MYH3: variants seen among roughly 807,000 people sequenced by gnomAD.
The protein encoded by MYH3 is myosin-3.
A neutral mutation model predicts 238.0 loss-of-function variants in MYH3; 130 were observed. The ratio of observed to expected loss-of-function variants is 0.55; its 90% CI spans 0.47 to 0.63. The LOEUF is 0.63. Among genes scored for constraint, MYH3 ranks in the 30% least tolerant of loss-of-function variants. MYH3 has a pLI of 0.00. For missense variants in MYH3, 1,853 were observed against 2,374.9 expected, an observed-to-expected ratio of 0.78 and a Z score of 4.57; for synonymous variants, 880 against 924.1, an observed-to-expected ratio of 0.95 and a Z score of 0.86.
upstream of MYH3, among the ~76,000 whole-genome samples, chr17:10,658,114 G>C (rs2142438244): frequency 6.6e-6 from 1 of 152,278 alleles, no homozygotes; most frequent in Non-Finnish European, 1.5e-5. Context: ...TGGGGTAGGG[G>C]GAACGGTGGT....
At chr17:10,657,635 TG>T (rs1475434671), upstream of MYH3, among the ~76,000 whole-genome samples, 1 of 151,946 alleles carries the variant, frequency 6.6e-6, no homozygotes, top group East Asian at 1.9e-4. Context: ...CATCACACCC[TG>T]AACGCGGCGT....
rs1324806950 is a variant in MYH3, at chr17:10,635,818, T to C, written c.3892A>G (p.Ile1298Val). 1 of 1,614,116 alleles carries C rather than the reference T, an allele frequency of 6.2e-7. No homozygotes were observed. The highest frequency in any genetic ancestry group is 1.7e-5 in the Admixed American group (1 of 60,004). ...LSRQLEEKES[I>V]VSQLSRSKQA... Reference sequence around the variant, plus strand: ...TTGCTCCTGGAAAGTTGGGATACTATGCTTTCTTTTTCTTCCAGCTGACGA... The same window carrying C: ...TTGCTCCTGGAAAGTTGGGATACTACGCTTTCTTTTTCTTCCAGCTGACGA... The change falls in exon 29 of 41, where the codon ATA (isoleucine) becomes GTA (valine). Residue 1298 changes from isoleucine (I) to valine (V), a missense_variant. Physicochemically the swap from Ile to Val is conservative, Grantham distance 29 (BLOSUM62 3). Coordinates refer to ENST00000583535, the MANE Select transcript of MYH3 (RefSeq NM_002470.4).
intron 28 of MYH3, among the ~76,000 whole-genome samples, chr17:10,637,128 C>T (rs921726349): frequency 5.3e-5 from 8 of 150,752 alleles, no homozygotes; most frequent in Non-Finnish European, 8.8e-5. Flanking sequence ...GGCATAATCT[C>T]GGCTCACTGC....
In MYH3 at chr17:10,638,386, G is replaced by C. The variant is rs747453979; in HGVS notation, c.3386C>G (p.Thr1129Ser). 6.2e-7 allele frequency: 1 copy of C among 1,602,840 alleles called. No individual in the cohort carries two copies. Among genetic ancestry groups the C allele is most frequent in the Middle Eastern group, 1.7e-4 (1 of 6,060 alleles). ...LEEEIEAERA[T>S]RAKTEKQRSD... The stretch of plus-strand genomic sequence containing the variant: ...GCGCTGTTTCTCTGTCTTCGCGCGG[G>C]TGGCCCTCTCCGCCTCTATCTCCTC... Residue 1129 changes from threonine (T) to serine (S), a missense_variant, in exon 27 of 41, where the codon ACC (threonine) becomes AGC (serine). Thr to Ser is a moderately conservative substitution (Grantham distance 58). This residue lies in a region of MYH3 where 1,044 missense variants were observed against 1,192.6 expected (regional missense o/e 0.88). Coordinates refer to ENST00000583535, the MANE Select transcript of MYH3 (RefSeq NM_002470.4).
chr17:10,645,435 C>G (rs2074311300), intron 12 of MYH3, among the ~76,000 whole-genome samples: 1 of 151,992 alleles, frequency 6.6e-6, no homozygotes, highest in Admixed American at 6.5e-5. Context: ...CTGTCTGACT[C>G]TCGTGCCTCA....
At position 10,638,200 on chromosome 17, in the gene MYH3, G is replaced by A; in HGVS notation, c.3572C>T (p.Ala1191Val). 6.2e-7 allele frequency: 1 copy of A among 1,613,756 alleles called. No individual in the cohort carries two copies. The highest frequency in any genetic ancestry group is 8.5e-7 in the Non-Finnish European group (1 of 1,179,938). ...EATLQHEAMV[A>V]ALRKKHADSV... ...ATCCGCATGCTTCTTCCTCAGCGCG[G>A]CCACCATGGCTTCGTGCTGCAGTGT... Residue 1191 changes from alanine to valine, a missense_variant, in exon 27 of 41, where the codon GCC becomes GTC. Ala to Val is a moderately conservative substitution (Grantham distance 64). Around this residue, in one of 3 missense-constraint regions of MYH3, gnomAD observed 1,044 missense variants for 1,192.6 expected, o/e 0.88. Coordinates refer to ENST00000583535, the MANE Select transcript of MYH3 (RefSeq NM_002470.4).
intron 4 of MYH3, 148 bp downstream of exon 4, chr17:10,652,272 T>C: frequency 1.9e-6 from 2 of 1,053,300 alleles, no homozygotes; most frequent in Non-Finnish European, 2.9e-6. Flanking sequence ...CTTTCTTGCC[T>C]TCTTTCTCCT....
In MYH3 at chr17:10,638,034, G is replaced by A. The variant is rs201955505; in HGVS notation, c.3729+9C>T. The A allele has an allele frequency of 5.3e-4, 820 of 1,554,932 alleles. No individual in the cohort carries two copies. The highest frequency in any genetic ancestry group is 6.3e-4 in the Non-Finnish European group (709 of 1,126,996). On this transcript the variant is annotated intron_variant, in intron 27 of 40. Coordinates refer to ENST00000583535, the MANE Select transcript of MYH3 (RefSeq NM_002470.4). Reference sequence around the variant, plus strand: ...GAAAGCCTTGAGCCACCCCCACCCCGCGCAGCACCTTAGATTTCGACACAC... The same window carrying A: ...GAAAGCCTTGAGCCACCCCCACCCCACGCAGCACCTTAGATTTCGACACAC...
rs927954243 is a variant in MYH3 at position 10,632,015 on chromosome 17, T to G, written c.4958A>C (p.Asp1653Ala). 6.2e-7 allele frequency: 1 copy of G among 1,613,276 alleles called. No homozygotes were observed. The highest frequency in any genetic ancestry group is 8.5e-7 in the Non-Finnish European group (1 of 1,180,028). ...HLRSVQGQLK[D>A]TQLHLDDALR... is the part of the protein sequence containing the mutation. ...GGCATCATCCAGGTGGAGCTGCGTA[T>G]CCTAGCCAGAGAAAAACGAACATTC... Residue 1653 changes from aspartate to alanine, a missense_variant and splice_region_variant, in exon 35 of 41, where the codon GAT (aspartate) becomes GCT (alanine). Coordinates refer to ENST00000583535, the MANE Select transcript of MYH3 (RefSeq NM_002470.4).
intron 32 of MYH3, 57 bp from the exon 33 acceptor site, chr17:10,633,772 T>C (rs2074187433): frequency 2.5e-6 from 4 of 1,605,294 alleles, no homozygotes; most frequent in Non-Finnish European, 3.4e-6. Flanking sequence ...TTTCCAGACA[T>C]GCAAAGCATT....
rs780649980 is a variant in MYH3, at chr17:10,638,331, C to G, written c.3441G>C (p.Leu1147=). The G allele has an allele frequency of 3.1e-6, 5 of 1,611,338 alleles. No individual in the cohort carries two copies. The highest frequency in any genetic ancestry group is 4.2e-6 in the Non-Finnish European group (5 of 1,180,006). Residue 1147 remains leucine, a synonymous_variant, in exon 27 of 41, where the codon CTG becomes CTC. Coordinates refer to ENST00000583535, the MANE Select transcript of MYH3 (RefSeq NM_002470.4). ...RSDYARELEE[L]SERLEEAGGV... is the part of the protein sequence containing the mutation. ...CTCCCGCCTCCTCCAGCCGCTCGCTCAGCTCCTCCAGCTCCCGGGCATAGT... is the reference window on the plus strand; with the variant it reads ...CTCCCGCCTCCTCCAGCCGCTCGCTGAGCTCCTCCAGCTCCCGGGCATAGT...
chr17:10,676,463 G>C, the MYH3 span: 1 of 152,162 alleles, frequency 6.6e-6, no homozygotes. Context: ...TGGGGTGGCA[G>C]TGGGTGGGGG....
In MYH3 at chr17:10,642,267, G is replaced by C; in HGVS notation, c.1932C>G (p.Ser644=). The C allele has an allele frequency of 1.2e-6, 2 of 1,614,032 alleles. No homozygotes were observed. Among genetic ancestry groups the C allele is most frequent in the African/African-American group, 1.3e-5 (1 of 75,024 alleles). The change falls in exon 17 of 41, where the codon TCC becomes TCG. Residue 644 remains serine (S), a synonymous_variant. Transcript: ENST00000583535. This position sits in a 1 kb window ranked among gnomAD's most constrained non-coding sequence, Gnocchi z 5.4. ...KKKVAKKKGS[S]FQTVSALFRE... is the part of the protein sequence containing the mutation. ...TGAAAAGGGCAGAGACAGTTTGGAAGGAAGAACCCTTCTTCTTGGCAACTT... is the reference window on the plus strand; with the variant it reads ...TGAAAAGGGCAGAGACAGTTTGGAACGAAGAACCCTTCTTCTTGGCAACTT...
the MYH3 span, among the ~76,000 whole-genome samples, chr17:10,668,835 A>C: frequency 6.6e-6 from 1 of 152,170 alleles, no homozygotes; most frequent in African/African-American, 2.4e-5. Flanking sequence ...CAGCTTACAC[A>C]CTTGCTTGTC....
the MYH3 span, among the ~76,000 whole-genome samples, chr17:10,663,764 A>G: frequency 6.6e-6 from 1 of 152,012 alleles, no homozygotes; most frequent in Non-Finnish European, 1.5e-5. Flanking sequence ...ACTAACACTT[A>G]AAAAAAGGTC....
At position 10,638,365 on chromosome 17, in the gene MYH3, T is replaced by C. The variant is rs370363739; in HGVS notation, c.3407A>G (p.Gln1136Arg). Residue 1136 changes from glutamine to arginine, a missense_variant, in exon 27 of 41, where the codon CAG (glutamine) becomes CGG (arginine). Around this residue, in one of 3 missense-constraint regions of MYH3, gnomAD observed 1,044 missense variants for 1,192.6 expected, o/e 0.88. Transcript: ENST00000583535. ...CAGCTCCCGGGCATAGTCGCTGCGC[T>C]GTTTCTCTGTCTTCGCGCGGGTGGC... is the stretch of plus-strand genomic sequence containing the variant. The part of the protein sequence containing the change: ...ERATRAKTEK[Q>R]RSDYARELEE... 1 of 1,607,718 alleles carries C rather than the reference T, an allele frequency of 6.2e-7. No individual in the cohort carries two copies.
At position 10,642,176 on chromosome 17, in the gene MYH3, CAGCATTG is replaced by C; in HGVS notation, c.1959+57_1959+63del. 1 of 1,427,164 alleles carries C rather than the reference CAGCATTG, an allele frequency of 7.0e-7. No individual in the cohort carries two copies. The highest frequency in any genetic ancestry group is 9.8e-7 in the Non-Finnish European group (1 of 1,019,698). The allele number at this position is 1,427,164 out of a possible 1,614,324, so 88.4% of individuals were successfully genotyped here. A position where few individuals can be genotyped will look rare whatever the true frequency, so the allele number is the denominator to read the frequency against. The stretch of plus-strand genomic sequence containing the variant: ...CTCAAATAAATCAAGCTTAGAATCT[CAGCATTG>C]CTCATTTAGATGTCACTTAAATCAA... On this transcript the variant is annotated intron_variant, in intron 17 of 40. Transcript: ENST00000583535. The surrounding 1 kb of genome is among the most constrained non-coding windows in gnomAD (Gnocchi z 5.4).
At chr17:10,651,841 T>C (rs1019420938) in intron 4 of MYH3, 173 bp from the exon 5 acceptor site, 6 of 872,026 alleles carry the variant, frequency 6.9e-6, no homozygotes, top group Non-Finnish European at 5.0e-6. Context: ...CCTCCCGGGT[T>C]CAAGCAATTC....
rs774802588 is a variant in MYH3, at chr17:10,629,664, C to A, written c.5729G>T (p.Arg1910Leu). ...GACTTGAGATTCTGCGATATCCGCA[C>A]GTTCCTCGGCCTCCTCCAGCTCATG... is the stretch of plus-strand genomic sequence containing the variant. ...AQHELEEAEE[R>L]ADIAESQVNK... Residue 1910 changes from arginine to leucine, a missense_variant, in exon 40 of 41, where the codon CGT becomes CTT. Arg to Leu is a moderately radical substitution (Grantham distance 102). Transcript: ENST00000583535. 2 of 1,614,228 alleles carry A rather than the reference C, an allele frequency of 1.2e-6. No homozygotes were observed. Among genetic ancestry groups the A allele is most frequent in the East Asian group, 2.2e-5 (1 of 44,884 alleles).
Sources: gnomAD v4.1 joint callset for allele counts (sites outside exome capture counted in the v4.1 genomes callset) on GRCh38, gnomAD v4.1.1 for gene constraint, gnomAD v4.1.1 regional missense constraint, Gnocchi (gnomAD v3.1) non-coding constraint, MANE v1.5 for transcripts, NCBI Gene and HGNC (gene_info 2026-07-23, HGNC 2026-07-21) for gene names.